TTC7B: variants seen among roughly 807,000 people sequenced by gnomAD.
TTC7B encodes the protein tetratricopeptide repeat domain 7B, also known as tetratricopeptide repeat protein 7B.
Under a neutral mutation model 106.8 loss-of-function variants are expected in TTC7B, and 28 were observed. The ratio of observed to expected loss-of-function variants is 0.26; its 90% CI spans 0.19 to 0.36. TTC7B has a LOEUF of 0.36. Among genes scored for constraint, TTC7B ranks in the 10% least tolerant of loss-of-function variants. TTC7B has a pLI of 1.00. For missense variants in TTC7B, 862 were observed against 1,076.4 expected (o/e 0.80, Z 2.79); for synonymous variants, 405 against 430.6 (o/e 0.94, Z 0.74).
chr14:90,551,991 G>A (rs936212232), intron 19 of TTC7B, among the ~76,000 whole-genome samples: 1 of 152,232 alleles, frequency 6.6e-6, no homozygotes, highest in African/African-American at 2.4e-5. Flanking sequence ...TCTGTTTTGT[G>A]TTTCATTTCT....
At chr14:90,694,896 CAT>C (rs1194603442) in intron 6 of TTC7B, among the ~76,000 whole-genome samples, 1,266 of 62,898 alleles carry the variant, frequency 0.02, no homozygotes, top group East Asian at 0.038. Context: ...ATTTATAACA[CAT>C]ATATGTCACA....
chr14:90,759,512 C>T lies in TTC7B; in HGVS notation c.446-14590G>A, dbSNP rs1172608987. Among the ~76,000 whole-genome samples, 2 of 152,260 alleles carry T rather than the reference C, an allele frequency of 1.3e-5. No homozygotes were observed. Among genetic ancestry groups the T allele is most frequent in the Admixed American group, 6.5e-5 (1 of 15,300 alleles). ...GAATAAAAACTACAGCGGCCACCACCACACATTGCAGAGGCGAAAACTGCA... is the reference window on the plus strand; with the variant it reads ...GAATAAAAACTACAGCGGCCACCACTACACATTGCAGAGGCGAAAACTGCA... On this transcript the variant is annotated intron_variant, in intron 3 of 19. Transcript: ENST00000328459. The surrounding 1 kb of genome is among the most constrained non-coding windows in gnomAD (Gnocchi z 4.1).
intron 9 of TTC7B, chr14:90,676,308 C>A (rs2139923572): frequency 2.4e-6 from 1 of 417,730 alleles, no homozygotes; most frequent in East Asian, 3.7e-5. Flanking sequence ...GGTTATGGAA[C>A]TCTCATGGTA....
intron 19 of TTC7B, among the ~76,000 whole-genome samples, chr14:90,571,467 A>G (rs1319034090): frequency 1.3e-5 from 2 of 152,238 alleles, no homozygotes; most frequent in African/African-American, 4.8e-5. Context: ...ACATGGACGC[A>G]TTGGAAGGCT....
chr14:90,804,202 G>GT (rs1257419906), intron 1 of TTC7B, among the ~76,000 whole-genome samples: 10 of 152,112 alleles, frequency 6.6e-5, no homozygotes, highest in Admixed American at 1.3e-4. Context: ...GGGCGTGGTG[G>GT]GGGCGCCTGT....
chr14:90,678,665 T>C (rs1886932496), intron 8 of TTC7B, among the ~76,000 whole-genome samples: 1 of 152,212 alleles, frequency 6.6e-6, no homozygotes, highest in Admixed American at 6.5e-5. Context: ...TTACATACCA[T>C]AGAGCCAAAT....
At chr14:90,703,167 C>T (rs1009098143) in intron 5 of TTC7B, among the ~76,000 whole-genome samples, 15 of 152,174 alleles carry the variant, frequency 9.9e-5, no homozygotes, top group Non-Finnish European at 1.9e-4. Flanking sequence ...CTTCATAAGA[C>T]GGGGCTCAAT....
chr14:90,689,611 A>T lies in TTC7B; in HGVS notation c.879T>A (p.Asp293Glu), dbSNP rs200430097. 4.2e-5 allele frequency: 67 copies of T among 1,614,040 alleles called. No individual in the cohort carries two copies. The highest frequency in any genetic ancestry group is 5.1e-6 in the Non-Finnish European group (6 of 1,180,014). The change falls in exon 7 of 20, where the codon GAT (aspartate) becomes GAA (glutamate). Residue 293 changes from aspartate to glutamate, a missense_variant. By Grantham distance (45) the Asp-to-Glu change is conservative (BLOSUM62 2). Coordinates refer to ENST00000328459, the MANE Select transcript of TTC7B (RefSeq NM_001010854.2). ...TTGTGTTTGCTCCTTTGCGGAGAGGATCGTCCAGAGGTGACTGGCACGGTG... is the reference window on the plus strand; with the variant it reads ...TTGTGTTTGCTCCTTTGCGGAGAGGTTCGTCCAGAGGTGACTGGCACGGTG... ...EDPPCQSPLD[D>E]PLRKGANTKT...
intron 15 of TTC7B, among the ~76,000 whole-genome samples, chr14:90,625,718 C>T (rs1403216245): frequency 1.3e-5 from 2 of 152,214 alleles, no homozygotes; most frequent in Non-Finnish European, 2.9e-5. Context: ...TGTGACCATT[C>T]CCACTAGATA....
At chr14:90,549,350 C>T (rs1566763720) in intron 19 of TTC7B, among the ~76,000 whole-genome samples, 1 of 152,180 alleles carries the variant, frequency 6.6e-6, no homozygotes, top group Non-Finnish European at 1.5e-5. Context: ...ACGGGCACCA[C>T]CACGACTTTT....
chr14:90,772,514 T>G (rs919639346), intron 3 of TTC7B: 1 of 152,142 alleles, frequency 6.6e-6, no homozygotes, highest in Non-Finnish European at 1.5e-5. Context: ...CACTTTTATA[T>G]AAAAAAATTC....
chr14:90,779,959 G>C (rs183438447), intron 3 of TTC7B, among the ~76,000 whole-genome samples: 1 of 152,178 alleles, frequency 6.6e-6, no homozygotes, highest in Non-Finnish European at 1.5e-5. Context: ...GAACCCAGAG[G>C]TGGCATTAAT....
chr14:90,735,769 G>A (rs1007580147), intron 4 of TTC7B, among the ~76,000 whole-genome samples: 2 of 151,472 alleles, frequency 1.3e-5, no homozygotes, highest in African/African-American at 4.9e-5. Flanking sequence ...AATAGGAAGA[G>A]GGTCATAGAT....
At chr14:90,644,750 T>C (rs1566815305) in intron 14 of TTC7B, 1 of 152,390 alleles carries the variant, frequency 6.6e-6, no homozygotes, top group African/African-American at 2.4e-5. Flanking sequence ...TCAGGTTCCT[T>C]TGTCTTGGAC....
At chr14:90,597,533 C>T (rs1453195522) in intron 17 of TTC7B, among the ~76,000 whole-genome samples, 1 of 152,082 alleles carries the variant, frequency 6.6e-6, no homozygotes, top group East Asian at 1.9e-4. Flanking sequence ...TGGTGCACAC[C>T]TGTAATCCCA....
At chr14:90,604,058 TC>T (rs770661350) in intron 17 of TTC7B, among the ~76,000 whole-genome samples, 1 of 152,072 alleles carries the variant, frequency 6.6e-6, no homozygotes, top group Non-Finnish European at 1.5e-5. Flanking sequence ...ATAAAGTGCC[TC>T]CCCTGAAGAG....
chr14:90,773,712 A>G (rs1890936676), intron 3 of TTC7B, among the ~76,000 whole-genome samples: 1 of 152,208 alleles, frequency 6.6e-6, no homozygotes, highest in Non-Finnish European at 1.5e-5. Flanking sequence ...TGCAGTTTCC[A>G]GTGCCCGGCT....
At chr14:90,793,741 TG>T (rs571762473) in intron 1 of TTC7B, among the ~76,000 whole-genome samples, 138 of 151,374 alleles carry the variant, frequency 9.1e-4, no homozygotes, top group African/African-American at 3.0e-3. Flanking sequence ...CCCGAGTAGC[TG>T]GGATTACAGG....
intron 5 of TTC7B, among the ~76,000 whole-genome samples, chr14:90,726,191 G>C (rs574104516): frequency 2.6e-5 from 4 of 152,322 alleles, no homozygotes; most frequent in Admixed American, 6.5e-5. Flanking sequence ...CAAGTAGGGA[G>C]TAACATTATC....
Sources: gnomAD v4.1 joint callset for allele counts (sites outside exome capture counted in the v4.1 genomes callset) on GRCh38, gnomAD v4.1.1 for gene constraint, Gnocchi (gnomAD v3.1) non-coding constraint, MANE v1.5 for transcripts, NCBI Gene and HGNC (gene_info 2026-07-23, HGNC 2026-07-21) for gene names.